The following PPP2R2D variants were observed in gnomAD, a reference collection of about 807,000 sequenced individuals.
The protein encoded by PPP2R2D is protein phosphatase 2 regulatory subunit Bdelta.
Under a neutral mutation model 31.1 loss-of-function variants are expected in PPP2R2D, and 9 were observed. That is an observed-to-expected ratio of 0.29 (90% CI 0.17 to 0.51). The LOEUF (loss-of-function observed/expected upper bound fraction) is 0.51, where lower values mean the gene tolerates loss of function less well. PPP2R2D is among the 20% of genes least tolerant of loss of function. The probability of loss-of-function intolerance (pLI) is 0.98; values close to 1 mark genes in which losing one functional copy is unlikely to be tolerated. For synonymous variants in PPP2R2D, 179 were observed against 172.6 expected (o/e 1.04, Z -0.29); for missense variants, 391 against 465.6 (o/e 0.84, Z 1.48).
At chr10:131,932,661 AAAAAAAACACAC>A (rs1438928494) in intron 2 of PPP2R2D, among the ~76,000 whole-genome samples, 8 of 149,708 alleles carry the variant, frequency 5.3e-5, no homozygotes, top group African/African-American at 2.0e-4. Flanking sequence ...AAAAAAAAAA[AAAAAAAACACAC>A]AAAAAAAACC....
chr10:131,932,657 A>AAAAAAAAAAAAAC, intron 2 of PPP2R2D, among the ~76,000 whole-genome samples: 2 of 149,346 alleles, frequency 1.3e-5, no homozygotes, highest in Admixed American at 6.6e-5. Context: ...AAAAAAAAAA[A>AAAAAAAAAAAAAC]AAAAAAAAAA....
the PPP2R2D span, chr10:131,968,816 G>A: frequency 2.7e-5 from 10 of 368,686 alleles, no homozygotes; most frequent in Middle Eastern, 8.3e-4. Context: ...TCACCAAACC[G>A]AATGCTGTTT....
chr10:131,903,300 C>G (rs1358200796), intron 2 of PPP2R2D, among the ~76,000 whole-genome samples: 31 of 152,036 alleles, frequency 2.0e-4, no homozygotes, highest in Admixed American at 2.0e-3. Flanking sequence ...AACCCCGTCT[C>G]TGCTAAAAAT....
At chr10:131,969,967 C>T in the PPP2R2D span, 1 of 152,528 alleles carries the variant, frequency 6.6e-6, no homozygotes, top group Admixed American at 6.5e-5. Context: ...GTGAGCCATC[C>T]CTTGAGTTCG....
Position 131,956,504 on chromosome 10 carries a change from G to C in PPP2R2D, c.*541G>C. The C allele has an allele frequency of 1.0e-6, 1 of 985,498 alleles. No individual in the cohort carries two copies. The allele number at this position is 985,498 out of a possible 1,614,324, so 61.0% of individuals were successfully genotyped here. On this transcript the variant is annotated 3_prime_UTR_variant, in exon 9 of 9. Coordinates refer to ENST00000455566, the MANE Select transcript of PPP2R2D (RefSeq NM_018461.5). ...CATCCGCCGCCACCCCTTCGGGTGT[G>C]AGCGCTCAATAAAAACAACACACTA...
At chr10:131,959,889 A>G (rs2036899185), downstream of PPP2R2D, 2 of 152,214 alleles carry the variant, frequency 1.3e-5, no homozygotes, top group African/African-American at 4.8e-5. Flanking sequence ...TGTATTTCCC[A>G]CTAAATAGCC....
intron 2 of PPP2R2D, chr10:131,911,891 C>G (rs2035690022): frequency 1.3e-5 from 2 of 152,092 alleles, no homozygotes; most frequent in East Asian, 3.9e-4. Context: ...TCTCAAAATA[C>G]AAAAATAGAG....
At position 131,947,897 on chromosome 10, in the gene PPP2R2D, CAT is replaced by C. The variant is rs1169985789; in HGVS notation, c.1082+108_1082+109del. On this transcript the variant is annotated intron_variant, in intron 8 of 8. Coordinates refer to ENST00000455566, the MANE Select transcript of PPP2R2D (RefSeq NM_018461.5). The surrounding 1 kb of genome is among the most constrained non-coding windows in gnomAD (Gnocchi z 4.3). The stretch of plus-strand genomic sequence containing the variant: ...TCCTCCAGCGTCAGAGGAGGACGCT[CAT>C]AGGGTGTTGTTTTCCAGACCTTTTG... The C allele has an allele frequency of 4.1e-5, 58 of 1,398,564 alleles. No individual in the cohort carries two copies. The highest frequency in any genetic ancestry group is 5.5e-5 in the Non-Finnish European group (56 of 1,024,646). 86.6% of individuals were successfully genotyped at this position (1,398,564 alleles called of 1,614,324 possible).
chr10:131,933,244 A>C (rs1487316024), intron 2 of PPP2R2D, among the ~76,000 whole-genome samples: 1 of 144,064 alleles, frequency 6.9e-6, no homozygotes, highest in Non-Finnish European at 1.5e-5. Context: ...GAAATCCTTC[A>C]CTAACACGAT....
In PPP2R2D at chr10:131,932,646, C is replaced by CAAAAAAAAAAAAAAAAAAAAAAAAA. The variant is rs368610703; in HGVS notation, c.101-1790_101-1789insAAAAAAAAAAAAAAAAAAAAAAAAA. ...CGCGCCACTGTACTCCAGCCTGTCTCAAAAAAAAAAAAAAAAAAAAAACAC... is the reference window on the plus strand; with the variant it reads ...CGCGCCACTGTACTCCAGCCTGTCTCAAAAAAAAAAAAAAAAAAAAAAAAAAAAAAAAAAAAAAAAAAAAAAACAC... On this transcript the variant is annotated intron_variant, in intron 2 of 8. Coordinates refer to ENST00000455566, the MANE Select transcript of PPP2R2D (RefSeq NM_018461.5). Among the ~76,000 whole-genome samples the CAAAAAAAAAAAAAAAAAAAAAAAAA allele has an allele frequency of 1.1e-3, 66 of 57,838 alleles. 5 individuals carry two copies. Among genetic ancestry groups the CAAAAAAAAAAAAAAAAAAAAAAAAA allele is most frequent in the Non-Finnish European group, 1.7e-3 (56 of 32,278 alleles). The allele number at this position is 57,838 out of a possible 152,430, so 37.9% of individuals were successfully genotyped here.
intron 2 of PPP2R2D, among the ~76,000 whole-genome samples, chr10:131,913,601 T>C (rs1303526840): frequency 1.3e-5 from 2 of 152,106 alleles, no homozygotes; most frequent in Admixed American, 6.6e-5. Context: ...AACTGAAATA[T>C]CATGTGAGGC....
At chr10:131,962,655 G>A (rs2036940129), downstream of PPP2R2D, among the ~76,000 whole-genome samples, 1 of 152,164 alleles carries the variant, frequency 6.6e-6, no homozygotes, top group Non-Finnish European at 1.5e-5. Context: ...TCGCTGGTGT[G>A]TAGATGCAAA....
chr10:131,914,311 G>C (rs1368169316), intron 2 of PPP2R2D, among the ~76,000 whole-genome samples: 1 of 152,214 alleles, frequency 6.6e-6, no homozygotes, highest in Non-Finnish European at 1.5e-5. Context: ...TGTGAGCTGT[G>C]ATCACACCAC....
At chr10:131,906,111 CT>C (rs2035577301) in intron 2 of PPP2R2D, among the ~76,000 whole-genome samples, 1 of 152,138 alleles carries the variant, frequency 6.6e-6, no homozygotes, top group Non-Finnish European at 1.5e-5. Context: ...GCTGCAGCAC[CT>C]TTGCCTGTGA....
chr10:131,940,245 A>G, intron 4 of PPP2R2D, 49 bp downstream of exon 4: 1 of 605,280 alleles, frequency 1.7e-6, no homozygotes, highest in Admixed American at 2.9e-5. Flanking sequence ...TTTATTTTTA[A>G]TTTTCTGTGT....
At chr10:131,948,187 C>T (rs1284891156) in intron 8 of PPP2R2D, among the ~76,000 whole-genome samples, 1 of 152,188 alleles carries the variant, frequency 6.6e-6, no homozygotes, top group African/African-American at 2.4e-5. Flanking sequence ...TAGATGAAAA[C>T]ACCCCAGAGC....
Position 131,933,482 on chromosome 10 carries a change from A to G in PPP2R2D, c.101-976A>G, listed in dbSNP as rs188995415. ...CAGGGAGGCGAGCTTGTAGTGTTCT[A>G]GCTGTTCCTGAGACTCCCCCACACT... On this transcript the variant is annotated intron_variant, in intron 2 of 8. Coordinates refer to ENST00000455566, the MANE Select transcript of PPP2R2D (RefSeq NM_018461.5). Among the ~76,000 whole-genome samples, 93 of 152,210 alleles carry G rather than the reference A, an allele frequency of 6.1e-4. 1 individual carries two copies. Among genetic ancestry groups the G allele is most frequent in the African/African-American group, 2.0e-3 (85 of 41,538 alleles).
chr10:131,922,326 A>C (rs1035035949), intron 2 of PPP2R2D, among the ~76,000 whole-genome samples: 2 of 152,228 alleles, frequency 1.3e-5, no homozygotes, highest in Admixed American at 6.5e-5. Context: ...GTGAATGTTA[A>C]GTATTCCTCA....
At chr10:131,951,860 G>T (rs2036642566) in intron 8 of PPP2R2D, among the ~76,000 whole-genome samples, 1 of 152,204 alleles carries the variant, frequency 6.6e-6, no homozygotes, top group South Asian at 2.1e-4. Flanking sequence ...ATATAAATGT[G>T]TGTGGGGATG....
Sources: allele counts gnomAD v4.1 joint callset (sites outside exome capture counted in the v4.1 genomes callset), GRCh38; gene constraint gnomAD v4.1.1; non-coding constraint Gnocchi (gnomAD v3.1); transcripts MANE v1.5; gene names NCBI Gene and HGNC (gene_info 2026-07-23, HGNC 2026-07-21).